PLEKHM3: variants seen among roughly 807,000 people sequenced by gnomAD.
PLEKHM3 encodes the protein pleckstrin homology domain-containing family M member 3.
PLEKHM3 carries 45 observed loss-of-function variants against 81.8 expected under a neutral mutation model. That is an observed-to-expected ratio of 0.55 (90% CI 0.43 to 0.71). PLEKHM3 has a LOEUF of 0.71. Among genes scored for constraint, PLEKHM3 ranks in the 30% least tolerant of loss-of-function variants. PLEKHM3 has a pLI of 0.00. For synonymous variants in PLEKHM3, 352 were observed against 356.4 expected, an observed-to-expected ratio of 0.99 and a Z score of 0.14; for missense variants, 788 against 924.3, an observed-to-expected ratio of 0.85 and a Z score of 1.91.
intron 1 of PLEKHM3, among the ~76,000 whole-genome samples, chr2:208,015,505 T>C (rs1418517757): frequency 6.6e-6 from 1 of 152,224 alleles, no homozygotes; most frequent in Non-Finnish European, 1.5e-5. Flanking sequence ...AATACTTCTG[T>C]GTTATTATTA....
chr2:207,936,348 A>T (rs1019522127), intron 4 of PLEKHM3, among the ~76,000 whole-genome samples: 11 of 152,220 alleles, frequency 7.2e-5, no homozygotes, highest in African/African-American at 2.7e-4. Flanking sequence ...CTATATCCCC[A>T]GTGCCTAGAA....
intron 5 of PLEKHM3, among the ~76,000 whole-genome samples, chr2:207,917,923 A>G (rs1378714966): frequency 1.3e-5 from 2 of 152,150 alleles, no homozygotes. Context: ...AATAGCATGC[A>G]ATCTTTTCTC....
intron 4 of PLEKHM3, among the ~76,000 whole-genome samples, chr2:207,935,506 G>A (rs903494018): frequency 7.2e-5 from 11 of 152,198 alleles, no homozygotes; most frequent in African/African-American, 2.7e-4. Flanking sequence ...TTCCCATAAA[G>A]CTGGCCTAGC....
chr2:207,855,833 G>A (rs2092434856), intron 7 of PLEKHM3, among the ~76,000 whole-genome samples: 1 of 152,152 alleles, frequency 6.6e-6, no homozygotes, highest in Non-Finnish European at 1.5e-5. Flanking sequence ...CACCCAAGAG[G>A]AGCCTAGGGA....
chr2:207,925,885 A>G (rs186178286), intron 5 of PLEKHM3, among the ~76,000 whole-genome samples: 3 of 152,022 alleles, frequency 2.0e-5, no homozygotes, highest in African/African-American at 4.8e-5. Flanking sequence ...AGGACTCTTC[A>G]TGTCTGTCTT....
chr2:207,870,023 C>T (rs1037032827), intron 6 of PLEKHM3: 15 of 152,326 alleles, frequency 9.8e-5, no homozygotes, highest in Admixed American at 9.1e-4. Flanking sequence ...TAACCTAGTG[C>T]TGCCTTCCCC....
Position 208,001,733 on chromosome 2 carries a change from A to C in PLEKHM3, c.-94T>G. The C allele has an allele frequency of 1.3e-6, 2 of 1,509,614 alleles. No homozygotes were observed. The highest frequency in any genetic ancestry group is 1.8e-6 in the Non-Finnish European group (2 of 1,136,814). 93.5% of individuals were successfully genotyped at this position (1,509,614 alleles called of 1,614,324 possible). On this transcript the variant is annotated 5_prime_UTR_variant, in exon 2 of 8. Coordinates refer to ENST00000427836, the MANE Select transcript of PLEKHM3 (RefSeq NM_001080475.3). ...ACCAAGAGGGGTGCTTCAGCAATAG[A>C]GCTATGGAAACAACTGGAAGAAACC...
chr2:207,834,227 TCAA>T (rs2092304826), intron 7 of PLEKHM3, among the ~76,000 whole-genome samples: 4 of 152,018 alleles, frequency 2.6e-5, no homozygotes, highest in Non-Finnish European at 4.4e-5. Flanking sequence ...CCTCCCAGGT[TCAA>T]GTGATTCTCC....
intron 7 of PLEKHM3, among the ~76,000 whole-genome samples, chr2:207,837,066 TAA>T (rs1209222313): frequency 6.6e-6 from 1 of 152,210 alleles, no homozygotes; most frequent in African/African-American, 2.4e-5. Flanking sequence ...CAAGATTACT[TAA>T]ATCTCTTAGC....
chr2:207,974,597 G>A (rs563085735), intron 3 of PLEKHM3, among the ~76,000 whole-genome samples: 2 of 152,282 alleles, frequency 1.3e-5, no homozygotes, highest in African/African-American at 2.4e-5. Flanking sequence ...TAAAGCCACG[G>A]AAGTGTACCA....
At chr2:207,863,561 C>T (rs898316731) in intron 6 of PLEKHM3, among the ~76,000 whole-genome samples, 4 of 152,254 alleles carry the variant, frequency 2.6e-5, no homozygotes, top group East Asian at 3.8e-4. Context: ...GCACTAGCTT[C>T]GGAAGCTGGT....
intron 1 of PLEKHM3, among the ~76,000 whole-genome samples, chr2:208,020,616 T>C (rs191390392): frequency 2.0e-5 from 3 of 152,226 alleles, no homozygotes; most frequent in Admixed American, 1.3e-4. Context: ...GTTCTCTGAA[T>C]TAATTGGCTT....
chr2:208,001,711 A>G lies in PLEKHM3; in HGVS notation c.-72T>C, dbSNP rs1692312560. ...TGGCTTCATGAACATTCACCCAACC[A>G]AGAGGGGTGCTTCAGCAATAGAGCT... On this transcript the variant is annotated 5_prime_UTR_variant, in exon 2 of 8. Coordinates refer to ENST00000427836, the MANE Select transcript of PLEKHM3 (RefSeq NM_001080475.3). The G allele has an allele frequency of 6.5e-7, 1 of 1,534,430 alleles. No homozygotes were observed. The highest frequency in any genetic ancestry group is 8.7e-7 in the Non-Finnish European group (1 of 1,148,906).
intron 6 of PLEKHM3, among the ~76,000 whole-genome samples, chr2:207,865,803 GATATATAT>G (rs71036961): frequency 1.0e-4 from 3 of 29,410 alleles, no homozygotes; most frequent in East Asian, 2.4e-3. Flanking sequence ...AAAAAAAAAA[GATATATAT>G]ATATATATAT....
intron 4 of PLEKHM3, among the ~76,000 whole-genome samples, chr2:207,937,131 C>T (rs16840196): frequency 0.032 from 4,868 of 152,056 alleles, 228 homozygotes; most frequent in African/African-American, 0.11. Flanking sequence ...CTTTTTGAAC[C>T]TTGAACTTTC....
intron 5 of PLEKHM3, among the ~76,000 whole-genome samples, chr2:207,918,997 G>A (rs756544596): frequency 9.9e-5 from 15 of 152,260 alleles, no homozygotes; most frequent in East Asian, 1.9e-4. Flanking sequence ...GACAGGAGGC[G>A]TGTGTGGTGG....
chr2:207,907,394 C>T lies in PLEKHM3; in HGVS notation c.1950+1120G>A, dbSNP rs186110099. ...GCACATGCCTGTAATCCCAGCTACT[C>T]GGGAGGCTGAGGCAGGAGAATCGCT... On this transcript the variant is annotated intron_variant, in intron 6 of 7. Transcript: ENST00000427836. 4.1e-3 allele frequency among the ~76,000 whole-genome samples: 628 copies of T among 152,040 alleles called. 8 individuals carry two copies. The highest frequency in any genetic ancestry group is 0.014 in the African/African-American group (589 of 41,450).
At chr2:207,870,275 C>A (rs2092526068) in intron 6 of PLEKHM3, among the ~76,000 whole-genome samples, 1 of 152,198 alleles carries the variant, frequency 6.6e-6, no homozygotes, top group South Asian at 2.1e-4. Flanking sequence ...AGCTCTTTCT[C>A]ATCAAATTTC....
At chr2:207,912,384 G>C (rs1425275497) in intron 5 of PLEKHM3, among the ~76,000 whole-genome samples, 3 of 152,160 alleles carry the variant, frequency 2.0e-5, no homozygotes, top group African/African-American at 7.2e-5. Context: ...TTCCTCTACT[G>C]TCTTCTCCAT....
Sources: gnomAD v4.1 joint callset for allele counts (sites outside exome capture counted in the v4.1 genomes callset) on GRCh38, gnomAD v4.1.1 for gene constraint, MANE v1.5 for transcripts, NCBI Gene and HGNC (gene_info 2026-07-23, HGNC 2026-07-21) for gene names.